The following PTH2R variants were observed in gnomAD, a reference collection of about 807,000 sequenced individuals.
PTH2R encodes the protein PTH2 receptor.
A neutral mutation model predicts 60.3 loss-of-function variants in PTH2R; 59 were observed. That is an observed-to-expected ratio of 0.98 (90% CI 0.79 to 1.22). The LOEUF (loss-of-function observed/expected upper bound fraction) is 1.22. PTH2R is among the 50% of genes most tolerant of loss of function. The probability of loss-of-function intolerance (pLI) is 0.00; values close to 1 mark genes in which losing one functional copy is unlikely to be tolerated. For synonymous variants in PTH2R, 256 were observed against 243.8 expected (o/e 1.05, Z -0.47); for missense variants, 749 against 682.6 (o/e 1.10, Z -1.08).
intron 9 of PTH2R, among the ~76,000 whole-genome samples, chr2:208,470,414 ATTTCCAC>A (rs1702856782): frequency 6.6e-6 from 1 of 151,412 alleles, no homozygotes; most frequent in African/African-American, 2.5e-5. Flanking sequence ...CTCATCTTGA[ATTTCCAC>A]ATGTTGTGGG....
rs1427097057 is a variant in PTH2R at position 208,444,855 on chromosome 2, A to G, written c.821A>G (p.Lys274Arg). The G allele has an allele frequency of 2.5e-6, 4 of 1,613,840 alleles. No homozygotes were observed. The highest frequency in any genetic ancestry group is 3.4e-6 in the Non-Finnish European group (4 of 1,179,840). The change falls in exon 7 of 13, where the codon AAA becomes AGA. Residue 274 changes from lysine to arginine, a missense_variant. Transcript: ENST00000272847. ...TTTGTGGCTTTCTTTTCGGACACCA[A>G]ATACCTGTGGGGCTTCATCTTGATA... is the stretch of plus-strand genomic sequence containing the variant. ...LIFVAFFSDT[K>R]YLWGFILIGW...
intron 6 of PTH2R, among the ~76,000 whole-genome samples, chr2:208,444,533 A>G (rs1406563617): frequency 6.6e-6 from 1 of 152,218 alleles, no homozygotes; most frequent in East Asian, 1.9e-4. Context: ...ACTTATTTTA[A>G]AAATAGAATC....
At chr2:208,459,768 T>A (rs1702595120) in intron 8 of PTH2R, 127 bp from the exon 9 acceptor site, 4 of 761,078 alleles carry the variant, frequency 5.3e-6, no homozygotes, top group Non-Finnish European at 8.9e-6. Flanking sequence ...AAGATAAGAT[T>A]TCTTTGTCTA....
At chr2:208,394,149 T>C (rs1701161502) in intron 1 of PTH2R, among the ~76,000 whole-genome samples, 2 of 152,116 alleles carry the variant, frequency 1.3e-5, no homozygotes, top group Non-Finnish European at 2.9e-5. Context: ...TGCAGAAAAG[T>C]TTTAACTTTT....
chr2:208,378,146 G>A (rs1186188840), intron 1 of PTH2R, among the ~76,000 whole-genome samples: 5 of 151,858 alleles, frequency 3.3e-5, no homozygotes, highest in South Asian at 2.1e-4. Flanking sequence ...CGAGGCTGGC[G>A]GATCACTCGC....
chr2:208,471,360 G>T (rs1702875374), intron 9 of PTH2R, among the ~76,000 whole-genome samples: 1 of 152,178 alleles, frequency 6.6e-6, no homozygotes, highest in Non-Finnish European at 1.5e-5. Context: ...AGGAAAAAGT[G>T]GTTTTGTGGG....
intron 9 of PTH2R, among the ~76,000 whole-genome samples, chr2:208,477,937 C>G (rs1243402505): frequency 6.9e-6 from 1 of 144,596 alleles, no homozygotes; most frequent in African/African-American, 2.5e-5. Context: ...ACTAGCACTA[C>G]TACTAGTAGT....
At chr2:208,430,899 GAT>G (rs1210492584) in intron 2 of PTH2R, among the ~76,000 whole-genome samples, 1 of 152,062 alleles carries the variant, frequency 6.6e-6, no homozygotes, top group Admixed American at 6.6e-5. Flanking sequence ...CTTTAACATT[GAT>G]ATTCTGCAGT....
Position 208,407,082 on chromosome 2 carries a change from G to T in PTH2R, c.39G>T (p.Trp13Cys). 1 of 1,396,996 alleles carries T rather than the reference G, an allele frequency of 7.2e-7. No individual in the cohort carries two copies. The highest frequency in any genetic ancestry group is 9.4e-7 in the Non-Finnish European group (1 of 1,068,694). 86.5% of individuals were successfully genotyped at this position (1,396,996 alleles called of 1,614,324 possible). A position where few individuals can be genotyped will look rare whatever the true frequency, so the allele number is the denominator to read the frequency against. The change falls in exon 1 of 13, where the codon TGG becomes TGT. Residue 13 changes from tryptophan (W) to cysteine (C), a missense_variant. Trp to Cys is a radical substitution (Grantham distance 215). Coordinates refer to ENST00000272847, the MANE Select transcript of PTH2R (RefSeq NM_005048.4). ...GGGCGTCGCTCCACGTCTGGGGTTG[G>T]CTAATGCTCGGCAGCTGCCTCCTGG... ...GLGASLHVWGWLMLGSCLLAR... is the reference protein window; with the variant it reads ...GLGASLHVWGCLMLGSCLLAR...
intron 9 of PTH2R, among the ~76,000 whole-genome samples, chr2:208,471,034 A>C (rs796932575): frequency 6.6e-6 from 1 of 152,124 alleles, no homozygotes; most frequent in East Asian, 1.9e-4. Flanking sequence ...TGGAACTTTG[A>C]ATTGGAGGGA....
intron 1 of PTH2R, among the ~76,000 whole-genome samples, chr2:208,420,710 G>T (rs1398705547): frequency 2.0e-5 from 3 of 152,098 alleles, no homozygotes; most frequent in Non-Finnish European, 2.9e-5. Flanking sequence ...TCTTTCAATG[G>T]TAACATCTTT....
intron 2 of PTH2R, among the ~76,000 whole-genome samples, chr2:208,436,980 A>G (rs1234012288): frequency 1.3e-5 from 2 of 152,170 alleles, no homozygotes; most frequent in African/African-American, 4.8e-5. Context: ...TATCGTGGTG[A>G]CAGTAGATGT....
intron 9 of PTH2R, among the ~76,000 whole-genome samples, chr2:208,474,091 G>T (rs767331153): frequency 5.3e-5 from 8 of 152,152 alleles, no homozygotes; most frequent in Non-Finnish European, 1.2e-4. Flanking sequence ...TATGAATCCT[G>T]TGTGAACTCT....
At chr2:208,484,776 G>T (rs1030617834) in intron 10 of PTH2R, among the ~76,000 whole-genome samples, 1 of 152,054 alleles carries the variant, frequency 6.6e-6, no homozygotes, top group Non-Finnish European at 1.5e-5. Context: ...TTTTAAGGCC[G>T]CATCCATCAC....
intron 1 of PTH2R, among the ~76,000 whole-genome samples, chr2:208,416,685 A>C (rs1379010844): frequency 6.6e-6 from 1 of 152,204 alleles, no homozygotes; most frequent in Non-Finnish European, 1.5e-5. Context: ...TTAACATTTG[A>C]GTCAGTGGGC....
chr2:208,464,224 G>C (rs1035905977), intron 9 of PTH2R, among the ~76,000 whole-genome samples: 1 of 152,074 alleles, frequency 6.6e-6, no homozygotes, highest in South Asian at 2.1e-4. Flanking sequence ...TAAAACACGA[G>C]GTGAGAAAAG....
chr2:208,392,143 A>T (rs1701119722), intron 1 of PTH2R, among the ~76,000 whole-genome samples: 1 of 152,230 alleles, frequency 6.6e-6, no homozygotes, highest in Non-Finnish European at 1.5e-5. Flanking sequence ...CTAGGACTGC[A>T]AACCATTTAG....
chr2:208,493,899 G>T lies in PTH2R; in HGVS notation c.*240G>T. ...AAGTTTTCCTCTAAATTAATGTATG[G>T]TATTTGCTCTGTGATTGTTCATTTT... On this transcript the variant is annotated 3_prime_UTR_variant, in exon 13 of 13. Transcript: ENST00000272847. The T allele has an allele frequency of 2.7e-6, 1 of 365,874 alleles. No homozygotes were observed. Among genetic ancestry groups the T allele is most frequent in the Non-Finnish European group, 4.8e-6 (1 of 207,002 alleles). The allele number at this position is 365,874 out of a possible 1,614,324, so 22.7% of individuals were successfully genotyped here. A position where few individuals can be genotyped will look rare whatever the true frequency, so the allele number is the denominator to read the frequency against.
intron 8 of PTH2R, among the ~76,000 whole-genome samples, chr2:208,456,119 G>A (rs913010940): frequency 6.6e-6 from 1 of 152,042 alleles, no homozygotes; most frequent in African/African-American, 2.4e-5. Context: ...GTGCGTGCCT[G>A]TAATTCCAAA....
Sources: allele counts gnomAD v4.1 joint callset (sites outside exome capture counted in the v4.1 genomes callset), GRCh38; gene constraint gnomAD v4.1.1; transcripts MANE v1.5; gene names NCBI Gene and HGNC (gene_info 2026-07-23, HGNC 2026-07-21).